PLEKHA7: variants seen among roughly 807,000 people sequenced by gnomAD.
PLEKHA7 encodes pleckstrin homology domain containing A7.
In PLEKHA7, 104 loss-of-function variants were observed where a neutral mutation model predicts 170.0. That is an observed-to-expected ratio of 0.61 (90% CI 0.52 to 0.72). The LOEUF is 0.72. PLEKHA7 is among the 30% of genes least tolerant of loss of function. The pLI is 0.00. For synonymous variants in PLEKHA7, 648 were observed against 660.8 expected (o/e 0.98, Z 0.30); for missense variants, 1,615 against 1,671.7 (o/e 0.97, Z 0.59).
chr11:16,977,218 G>C (rs148037598), intron 3 of PLEKHA7, among the ~76,000 whole-genome samples: 24 of 152,068 alleles, frequency 1.6e-4, no homozygotes, highest in Admixed American at 1.4e-3. Flanking sequence ...AAAAGCTTAC[G>C]ACAGCTCCTA....
intron 3 of PLEKHA7, among the ~76,000 whole-genome samples, chr11:16,892,395 GTTGTT>G (rs924770456): frequency 2.4e-5 from 3 of 125,240 alleles, no homozygotes; most frequent in African/African-American, 8.2e-5. Context: ...TGCAGGAGAG[GTTGTT>G]TTATTTTGTG....
Position 17,005,226 on chromosome 11 carries a change from C to T in PLEKHA7, c.221+8763G>A, listed in dbSNP as rs181053421. Among the ~76,000 whole-genome samples, 13 of 152,198 alleles carry T rather than the reference C, an allele frequency of 8.5e-5. No individual in the cohort carries two copies. In the East Asian group the frequency reaches 2.5e-3, roughly 29 times the overall value. On this transcript the variant is annotated intron_variant, in intron 3 of 26. Transcript: ENST00000531066. ...ATTTAGGAAGCACCAAATTTACTCC[C>T]ATAGACATCAAAAGAGAATGGAGGC... is the stretch of plus-strand genomic sequence containing the variant.
intron 3 of PLEKHA7, among the ~76,000 whole-genome samples, chr11:16,977,024 G>A (rs1420068278): frequency 2.6e-5 from 4 of 152,120 alleles, no homozygotes; most frequent in Non-Finnish European, 4.4e-5. Flanking sequence ...CAAGACCTGA[G>A]ATCCCCCAGT....
chr11:16,834,285 C>A (rs1323307601), intron 9 of PLEKHA7, among the ~76,000 whole-genome samples: 1 of 152,134 alleles, frequency 6.6e-6, no homozygotes, highest in Non-Finnish European at 1.5e-5. Context: ...GGATTACAGG[C>A]ATGAGACACC....
chr11:17,013,051 T>G (rs1411334564), intron 3 of PLEKHA7: 1 of 152,260 alleles, frequency 6.6e-6, no homozygotes, highest in African/African-American at 2.4e-5. Context: ...TTTGGCGAGC[T>G]GATTCATTCA....
At chr11:16,863,374 G>A (rs1854128222) in intron 4 of PLEKHA7, among the ~76,000 whole-genome samples, 1 of 152,084 alleles carries the variant, frequency 6.6e-6, no homozygotes, top group South Asian at 2.1e-4. Flanking sequence ...GACCCCAATG[G>A]AAACAACAAG....
chr11:16,959,054 G>A (rs1861882466), intron 3 of PLEKHA7, among the ~76,000 whole-genome samples: 2 of 152,290 alleles, frequency 1.3e-5, no homozygotes, highest in South Asian at 4.2e-4. Context: ...CAGCTTCCCT[G>A]ACACCACTGT....
At chr11:16,946,242 C>A (rs1861023633) in intron 3 of PLEKHA7, among the ~76,000 whole-genome samples, 1 of 152,200 alleles carries the variant, frequency 6.6e-6, no homozygotes. Flanking sequence ...CAGCCCATGT[C>A]CAGCCAGGCT....
chr11:16,809,037 T>C (rs1381234354), intron 13 of PLEKHA7, among the ~76,000 whole-genome samples: 2 of 152,204 alleles, frequency 1.3e-5, no homozygotes, highest in Non-Finnish European at 2.9e-5. Context: ...TTCAATGAGA[T>C]AAATGAACAT....
chr11:16,879,627 C>T (rs755579787), intron 3 of PLEKHA7, among the ~76,000 whole-genome samples: 8 of 152,302 alleles, frequency 5.3e-5, no homozygotes, highest in East Asian at 3.9e-4. Flanking sequence ...AGTTAGTAAC[C>T]GTGTTCAGTG....
intron 4 of PLEKHA7, among the ~76,000 whole-genome samples, chr11:16,870,003 A>G (rs910575487): frequency 8.5e-5 from 13 of 152,200 alleles, no homozygotes; most frequent in African/African-American, 3.1e-4. Flanking sequence ...AAGGGGACAG[A>G]GCCACCTGTG....
At chr11:17,013,310 G>C (rs1865429053) in intron 3 of PLEKHA7, 1 of 152,336 alleles carries the variant, frequency 6.6e-6, no homozygotes, top group African/African-American at 2.4e-5. Context: ...CAACACTCCG[G>C]GGCTTTTGCG....
intron 18 of PLEKHA7, 96 bp downstream of exon 18, chr11:16,794,814 C>T: frequency 1.3e-6 from 2 of 1,502,718 alleles, no homozygotes; most frequent in East Asian, 4.5e-5. Context: ...TCAACCTCCC[C>T]AAGGGCCATC....
rs568563602 is a variant in PLEKHA7, at chr11:16,947,600, A to G, written c.221+66389T>C. On this transcript the variant is annotated intron_variant, in intron 3 of 26. Transcript: ENST00000531066. Reference sequence around the variant, plus strand: ...AGCGAGACTCCACCTAAAAAAAAAAAAAAGAAAGAAAGAAAGAAAGGAAAA... The same window carrying G: ...AGCGAGACTCCACCTAAAAAAAAAAGAAAGAAAGAAAGAAAGAAAGGAAAA... Among the ~76,000 whole-genome samples, 523 of 147,206 alleles carry G rather than the reference A, an allele frequency of 3.6e-3. 3 individuals are homozygous for G. Among genetic ancestry groups the G allele is most frequent in the African/African-American group, 0.012 (500 of 40,070 alleles).
At chr11:16,826,687 A>G (rs1850682641) in intron 9 of PLEKHA7, 97 bp from the exon 10 acceptor site, 1 of 1,107,252 alleles carries the variant, frequency 9.0e-7, no homozygotes, top group Non-Finnish European at 1.3e-6. Flanking sequence ...TGCACAGGCT[A>G]TTCCCTCTGC....
chr11:16,971,463 G>A (rs7482906), intron 3 of PLEKHA7, among the ~76,000 whole-genome samples: 110,705 of 152,144 alleles, frequency 0.73, 40,541 homozygotes, highest in East Asian at 0.87. Context: ...CTGAAATACA[G>A]ATATTTAATC....
chr11:16,786,440 C>T lies in PLEKHA7; in HGVS notation c.3358-53G>A, dbSNP rs1338061731. ...AGTCGCTTCCTGATTGCTGAAAGAG[C>T]CCGGCTGGTCACCTTTTTCCATGGG... On this transcript the variant is annotated intron_variant, in intron 23 of 26. Coordinates refer to ENST00000531066, the MANE Select transcript of PLEKHA7 (RefSeq NM_001329630.2). 56 of 1,531,550 alleles carry T rather than the reference C, an allele frequency of 3.7e-5. No individual in the cohort carries two copies. In the East Asian group the frequency reaches 1.3e-3, roughly 35 times the overall value. The allele number at this position is 1,531,550 out of a possible 1,614,324, so 94.9% of individuals were successfully genotyped here. A position where few individuals can be genotyped will look rare whatever the true frequency, so the allele number is the denominator to read the frequency against.
rs1849604591 is a variant in PLEKHA7, at chr11:16,789,079, G to A, written c.3357+17C>T. 4 of 1,597,986 alleles carry A rather than the reference G, an allele frequency of 2.5e-6. No individual in the cohort carries two copies. The highest frequency in any genetic ancestry group is 1.1e-5 in the South Asian group (1 of 90,748). ...GCTCCCTGTCCCTGCCCCGCTGCCTGGCCCCTCCTAACATACTGAGCCAAG... is the reference window on the plus strand; with the variant it reads ...GCTCCCTGTCCCTGCCCCGCTGCCTAGCCCCTCCTAACATACTGAGCCAAG... On this transcript the variant is annotated intron_variant, in intron 23 of 26. Coordinates refer to ENST00000531066, the MANE Select transcript of PLEKHA7 (RefSeq NM_001329630.2). The surrounding 1 kb of genome is among the most constrained non-coding windows in gnomAD (Gnocchi z 4.6).
chr11:16,853,419 A>G (rs1357439976), intron 6 of PLEKHA7, among the ~76,000 whole-genome samples: 1 of 152,228 alleles, frequency 6.6e-6, no homozygotes, highest in Non-Finnish European at 1.5e-5. Flanking sequence ...GTCTTGGCAC[A>G]TGATATTTGC....
Sources: allele counts gnomAD v4.1 joint callset (sites outside exome capture counted in the v4.1 genomes callset), GRCh38; gene constraint gnomAD v4.1.1; non-coding constraint Gnocchi (gnomAD v3.1); transcripts MANE v1.5; gene names NCBI Gene and HGNC (gene_info 2026-07-23, HGNC 2026-07-21).